ENTREP2: variants seen among roughly 807,000 people sequenced by gnomAD.
ENTREP2 encodes the protein protein ENTREP2.
the ENTREP2 span, among the ~76,000 whole-genome samples, chr15:29,422,690 T>A: frequency 6.6e-6 from 1 of 152,190 alleles, no homozygotes; most frequent in South Asian, 2.1e-4. Flanking sequence ...TAAATTTATC[T>A]GGACAAAGAT....
chr15:29,355,543 G>C, the ENTREP2 span, among the ~76,000 whole-genome samples: 1 of 151,494 alleles, frequency 6.6e-6, no homozygotes, highest in African/African-American at 2.4e-5. Context: ...ATCAGAAGCT[G>C]AGATTTAAAT....
the ENTREP2 span, among the ~76,000 whole-genome samples, chr15:29,518,788 G>T: frequency 6.6e-6 from 1 of 152,194 alleles, no homozygotes; most frequent in Non-Finnish European, 1.5e-5. Context: ...GAAAGCTTCA[G>T]AAATTCTCCC....
At chr15:29,389,753 C>T in the ENTREP2 span, among the ~76,000 whole-genome samples, 149 of 152,288 alleles carry the variant, frequency 9.8e-4, no homozygotes, top group Non-Finnish European at 1.7e-3. Context: ...CCTGACGCTG[C>T]TCCCTGTCAT....
the ENTREP2 span, among the ~76,000 whole-genome samples, chr15:29,353,469 A>G: frequency 6.6e-6 from 1 of 152,206 alleles, no homozygotes; most frequent in East Asian, 1.9e-4. Context: ...GTGTCTATGC[A>G]TGTATACACA....
chr15:29,623,704 C>T, the ENTREP2 span, among the ~76,000 whole-genome samples: 1 of 152,098 alleles, frequency 6.6e-6, no homozygotes, highest in East Asian at 1.9e-4. Context: ...TAAAAGGAGG[C>T]AATCAGATAA....
chr15:29,486,519 C>T, the ENTREP2 span, among the ~76,000 whole-genome samples: 1 of 152,128 alleles, frequency 6.6e-6, no homozygotes, highest in East Asian at 1.9e-4. Context: ...GGTGAAACCC[C>T]ATCTCCACTA....
the ENTREP2 span, among the ~76,000 whole-genome samples, chr15:29,134,405 TGCCTG>T: frequency 1.3e-5 from 2 of 152,144 alleles, no homozygotes; most frequent in Non-Finnish European, 2.9e-5. Context: ...GTCTGCAGCC[TGCCTG>T]GCTGCTCCAG....
At chr15:29,537,987 C>T in the ENTREP2 span, among the ~76,000 whole-genome samples, 1 of 152,166 alleles carries the variant, frequency 6.6e-6, no homozygotes, top group Non-Finnish European at 1.5e-5. Context: ...GCCATCCTTT[C>T]TACAAAGGGG....
the ENTREP2 span, chr15:29,570,046 A>ACCCCACC: frequency 1.1e-4 from 7 of 62,850 alleles, no homozygotes; most frequent in Non-Finnish European, 6.4e-5. Context: ...CCGCCCCCCC[A>ACCCCACC]CCCCACCCCC....
the ENTREP2 span, among the ~76,000 whole-genome samples, chr15:29,597,118 A>G: frequency 2.0e-5 from 3 of 151,828 alleles, no homozygotes; most frequent in Admixed American, 6.6e-5. Flanking sequence ...TGCTTCACCT[A>G]TTCAATCATC....
At chr15:29,300,662 G>A in the ENTREP2 span, among the ~76,000 whole-genome samples, 5 of 152,148 alleles carry the variant, frequency 3.3e-5, no homozygotes, top group African/African-American at 9.6e-5. Context: ...GCAGTGGTGC[G>A]ATCTCGGCTC....
chr15:29,605,113 G>A, the ENTREP2 span, among the ~76,000 whole-genome samples: 1 of 152,144 alleles, frequency 6.6e-6, no homozygotes, highest in Admixed American at 6.5e-5. Flanking sequence ...CTGTTTCCTG[G>A]CCCACCCATC....
the ENTREP2 span, among the ~76,000 whole-genome samples, chr15:29,186,051 G>C: frequency 6.6e-6 from 1 of 152,152 alleles, no homozygotes; most frequent in African/African-American, 2.4e-5. Context: ...TTTGGCCCCC[G>C]AATGGGGCGG....
the ENTREP2 span, among the ~76,000 whole-genome samples, chr15:29,233,315 G>C: frequency 6.6e-6 from 1 of 152,186 alleles, no homozygotes; most frequent in African/African-American, 2.4e-5. Flanking sequence ...TAGTGATACA[G>C]AATATTACTG....
the ENTREP2 span, among the ~76,000 whole-genome samples, chr15:29,409,476 C>T: frequency 6.6e-6 from 1 of 152,044 alleles, no homozygotes; most frequent in Non-Finnish European, 1.5e-5. Flanking sequence ...CAAGTAGCTG[C>T]CACCACACCC....
the ENTREP2 span, among the ~76,000 whole-genome samples, chr15:29,416,346 A>G: frequency 1.3e-5 from 2 of 152,348 alleles, no homozygotes; most frequent in African/African-American, 4.8e-5. Context: ...AATGCCGCGT[A>G]TCTACAACCA....
the ENTREP2 span, among the ~76,000 whole-genome samples, chr15:29,602,424 T>C: frequency 3.3e-5 from 5 of 152,208 alleles, no homozygotes; most frequent in African/African-American, 1.2e-4. Context: ...AAAAAATGTA[T>C]TTTAAGCAAA....
At chr15:29,328,786 T>C in the ENTREP2 span, among the ~76,000 whole-genome samples, 1 of 152,192 alleles carries the variant, frequency 6.6e-6, no homozygotes, top group African/African-American at 2.4e-5. Context: ...AGGATTGGCA[T>C]TGAAGACATC....
chr15:29,349,509 A>C, the ENTREP2 span, among the ~76,000 whole-genome samples: 3 of 152,190 alleles, frequency 2.0e-5, no homozygotes, highest in South Asian at 2.1e-4. Flanking sequence ...ATGATATTGC[A>C]ATTTAGGAGC....
Sources: allele counts gnomAD v4.1 joint callset (sites outside exome capture counted in the v4.1 genomes callset), GRCh38; gene constraint gnomAD v4.1.1; transcripts MANE v1.5; gene names NCBI Gene and HGNC (gene_info 2026-07-23, HGNC 2026-07-21).